EIF2A: variants seen among roughly 807,000 people sequenced by gnomAD.
EIF2A encodes the protein 65 kDa eukaryotic translation initiation factor 2A.
A neutral mutation model predicts 75.2 loss-of-function variants in EIF2A; 62 were observed. The ratio of observed to expected loss-of-function variants is 0.82; its 90% CI spans 0.67 to 1.02. The LOEUF is 1.02. Ranked by LOEUF, EIF2A falls within the 50% of genes least tolerant of loss-of-function variation. The pLI is 0.00. For missense variants in EIF2A, 611 were observed against 677.7 expected (o/e 0.90, Z 1.09); for synonymous variants, 207 against 239.0 (o/e 0.87, Z 1.23).
Position 150,565,181 on chromosome 3 carries a change from A to C in EIF2A, c.475+800A>C, listed in dbSNP as rs1176286216. 13 of 456,520 alleles carry C rather than the reference A, an allele frequency of 2.8e-5. No homozygotes were observed. The Admixed American group carries it at 3.1e-4, about 11-fold the overall frequency. The allele number at this position is 456,520 out of a possible 1,614,324, so 28.3% of individuals were successfully genotyped here. A position where few individuals can be genotyped will look rare whatever the true frequency, so the allele number is the denominator to read the frequency against. ...TTTAACATGTTCATCTGTCCCCTAT[A>C]AATTGCAAGTTGGCTCTAGAGTTTC... On this transcript the variant is annotated intron_variant, in intron 6 of 13. Coordinates refer to ENST00000460851, the MANE Select transcript of EIF2A (RefSeq NM_032025.5).
chr3:150,555,228 C>G (rs2107908309), intron 2 of EIF2A, among the ~76,000 whole-genome samples: 1 of 151,966 alleles, frequency 6.6e-6, no homozygotes, highest in Non-Finnish European at 1.5e-5. Flanking sequence ...CATGCCTGGC[C>G]TGTATGCACA....
Position 150,572,347 on chromosome 3 carries a change from G to C in EIF2A, c.1201G>C (p.Asp401His). Residue 401 changes from aspartate (D) to histidine (H), a missense_variant, in exon 10 of 14, where the codon GAT (aspartate) becomes CAT (histidine). Coordinates refer to ENST00000460851, the MANE Select transcript of EIF2A (RefSeq NM_032025.5). ...HYTGSILHKYDVPSNAELWQV... is the reference protein window; with the variant it reads ...HYTGSILHKYHVPSNAELWQV... ...TACTGGCTCTATCTTGCACAAGTAT[G>C]ATGTGCCATCAAATGCAGAATTATG... 6.2e-7 allele frequency: 1 copy of C among 1,613,958 alleles called. No homozygotes were observed. Among genetic ancestry groups the C allele is most frequent in the Non-Finnish European group, 8.5e-7 (1 of 1,179,878 alleles).
chr3:150,559,848 C>T (rs1180838107), intron 3 of EIF2A, among the ~76,000 whole-genome samples: 1 of 152,072 alleles, frequency 6.6e-6, no homozygotes, highest in East Asian at 1.9e-4. Context: ...GTCTTATCTA[C>T]AATGTTAACA....
rs1368136229 is a variant in EIF2A, at chr3:150,552,358, C to T, written c.31C>T (p.Arg11Ter). ...TTCTTTTTATTTTACTTCTTTAGTC[C>T]GAGGATCAGAAGGACTGTACATGGT... Reference protein sequence around the residue: MAPSTPLLTVRGSEGLYMVNG... With the variant: MAPSTPLLTV The change falls in exon 2 of 14, where the codon CGA becomes TGA. Residue 11 changes from arginine to a stop codon, truncating the protein, a stop_gained and splice_region_variant. Coordinates refer to ENST00000460851, the MANE Select transcript of EIF2A (RefSeq NM_032025.5). LOFTEE classifies it high-confidence loss of function. 14 of 1,549,840 alleles carry T rather than the reference C, an allele frequency of 9.0e-6. No homozygotes were observed. Among genetic ancestry groups the T allele is most frequent in the South Asian group, 2.4e-5 (2 of 83,514 alleles).
intron 2 of EIF2A, among the ~76,000 whole-genome samples, chr3:150,557,004 T>G (rs561526040): frequency 1.3e-5 from 2 of 152,272 alleles, no homozygotes; most frequent in Admixed American, 6.5e-5. Context: ...GTCTTTGGGT[T>G]GCATGATGAT....
Position 150,546,809 on chromosome 3 carries a change from C to G in EIF2A, c.7C>G (p.Pro3Ala), listed in dbSNP as rs374744533. The change falls in exon 1 of 14, where the codon CCG becomes GCG. Residue 3 changes from proline to alanine, a missense_variant. Transcript: ENST00000460851. ...TTTCTCTTTCCGGGACAACATGGCG[C>G]CGTCCACGCCGCTCTTGACAGGTGA... MA[P>A]STPLLTVRGS... is the part of the protein sequence containing the mutation. 5.0e-6 allele frequency: 8 copies of G among 1,612,422 alleles called. No individual in the cohort carries two copies. The African/African-American group carries it at 1.1e-4, about 22-fold the overall frequency.
chr3:150,579,283 C>T (rs1725044531), intron 11 of EIF2A, among the ~76,000 whole-genome samples: 1 of 152,134 alleles, frequency 6.6e-6, no homozygotes, highest in African/African-American at 2.4e-5. Flanking sequence ...ATTACCAGAA[C>T]TTACAGGCTC....
At chr3:150,578,276 A>G (rs1260262134) in intron 11 of EIF2A, among the ~76,000 whole-genome samples, 2 of 148,940 alleles carry the variant, frequency 1.3e-5, no homozygotes, top group Non-Finnish European at 3.0e-5. Context: ...ACATAATTAC[A>G]TATGATTATA....
At chr3:150,570,566 TAAA>T (rs1417100276) in intron 9 of EIF2A, among the ~76,000 whole-genome samples, 5 of 127,012 alleles carry the variant, frequency 3.9e-5, no homozygotes, top group African/African-American at 1.2e-4. Flanking sequence ...ACCATCTCTT[TAAA>T]AAAAAAAAGA....
rs1723052708 is a variant in EIF2A at position 150,546,793 on chromosome 3, C to T, written c.-10C>T. 6 of 1,612,350 alleles carry T rather than the reference C, an allele frequency of 3.7e-6. No homozygotes were observed. Among genetic ancestry groups the T allele is most frequent in the Admixed American group, 1.7e-5 (1 of 60,016 alleles). Reference sequence around the variant, plus strand: ...ACTCTCACCCGAGCGGTTTCTCTTTCCGGGACAACATGGCGCCGTCCACGC... The same window carrying T: ...ACTCTCACCCGAGCGGTTTCTCTTTTCGGGACAACATGGCGCCGTCCACGC... On this transcript the variant is annotated 5_prime_UTR_variant, in exon 1 of 14. Coordinates refer to ENST00000460851, the MANE Select transcript of EIF2A (RefSeq NM_032025.5).
chr3:150,580,650 A>G (rs553595786), intron 11 of EIF2A, among the ~76,000 whole-genome samples: 2 of 152,272 alleles, frequency 1.3e-5, no homozygotes, highest in South Asian at 4.1e-4. Flanking sequence ...CCTTATTAAG[A>G]ACTTTCACCT....
intron 11 of EIF2A, among the ~76,000 whole-genome samples, chr3:150,579,409 G>T (rs1725048815): frequency 6.6e-6 from 1 of 152,054 alleles, no homozygotes; most frequent in Non-Finnish European, 1.5e-5. Flanking sequence ...AAACCAACAT[G>T]ACTTTAAAAA....
chr3:150,575,619 C>G (rs1016092530), intron 10 of EIF2A, 30 bp from the exon 11 acceptor site: 1 of 1,551,542 alleles, frequency 6.4e-7, no homozygotes. Flanking sequence ...ACATGGACTC[C>G]ATTTCAAAAT....
intron 12 of EIF2A, among the ~76,000 whole-genome samples, chr3:150,582,749 T>C (rs920779911): frequency 6.6e-6 from 1 of 152,158 alleles, no homozygotes; most frequent in Non-Finnish European, 1.5e-5. Context: ...GCCAGTGTGC[T>C]GGGGTGGCCC....
At chr3:150,555,662 G>C (rs991225765) in intron 2 of EIF2A, among the ~76,000 whole-genome samples, 10 of 151,980 alleles carry the variant, frequency 6.6e-5, no homozygotes, top group African/African-American at 2.4e-4. Flanking sequence ...GCCAAGGTGG[G>C]TGGATCACTT....
At chr3:150,547,262 A>T (rs926343952) in intron 1 of EIF2A, 1 of 189,002 alleles carries the variant, frequency 5.3e-6, no homozygotes, top group Admixed American at 5.3e-5. Context: ...GTAATTCCAG[A>T]TTCTGGCCTT....
chr3:150,581,801 A>C, intron 12 of EIF2A, 55 bp downstream of exon 12: 1 of 1,543,464 alleles, frequency 6.5e-7, no homozygotes, highest in Admixed American at 2.0e-5. Flanking sequence ...AAAATTATAT[A>C]AGTAAGAGAG....
At chr3:150,572,638 TG>T in intron 10 of EIF2A, 109 bp downstream of exon 10, 1 of 1,085,146 alleles carries the variant, frequency 9.2e-7, no homozygotes, top group Admixed American at 2.5e-5. Context: ...GAGGATCACT[TG>T]AGGTCAGGAG....
At chr3:150,546,979 T>A (rs571742275) in intron 1 of EIF2A, 149 bp downstream of exon 1, 32 of 1,058,664 alleles carry the variant, frequency 3.0e-5, no homozygotes, top group Non-Finnish European at 4.1e-5. Flanking sequence ...TTTCTTGATA[T>A]AGCGTGGCAA....
Sources: gnomAD v4.1 joint callset for allele counts (sites outside exome capture counted in the v4.1 genomes callset) on GRCh38, gnomAD v4.1.1 for gene constraint, MANE v1.5 for transcripts, NCBI Gene and HGNC (gene_info 2026-07-23, HGNC 2026-07-21) for gene names.